The following CRYBG3 variants were observed in gnomAD, a reference collection of about 807,000 sequenced individuals.
CRYBG3 encodes crystallin beta-gamma domain containing 3, also known as very large A-kinase anchor protein.
Under a neutral mutation model 244.2 loss-of-function variants are expected in CRYBG3, and 127 were observed. The ratio of observed to expected loss-of-function variants is 0.52; its 90% CI spans 0.45 to 0.60. CRYBG3 has a LOEUF of 0.60. CRYBG3 is among the 20% of genes least tolerant of loss of function. The pLI, the probability that CRYBG3 is intolerant of heterozygous loss-of-function variation, is 0.00. For synonymous variants in CRYBG3, 1,132 were observed against 1,195.8 expected (o/e 0.95, Z 1.10); for missense variants, 3,325 against 3,442.5 (o/e 0.97, Z 0.85).
At chr3:97,843,723 C>T (rs145488065) in intron 2 of CRYBG3, among the ~76,000 whole-genome samples, 211 of 152,276 alleles carry the variant, frequency 1.4e-3, no homozygotes, top group African/African-American at 4.8e-3. Flanking sequence ...GTTTGCATGT[C>T]GTTCTTGGCT....
intron 7 of CRYBG3, among the ~76,000 whole-genome samples, chr3:97,883,856 A>G (rs1420892141): frequency 3.3e-5 from 5 of 152,178 alleles, no homozygotes; most frequent in Non-Finnish European, 7.4e-5. Context: ...GGTTGTTTCC[A>G]TGACGGATTC....
Position 97,874,431 on chromosome 3 carries a change from C to T in CRYBG3, c.3237C>T (p.Pro1079=). The T allele has an allele frequency of 1.3e-6, 2 of 1,535,104 alleles. No homozygotes were observed. The highest frequency in any genetic ancestry group is 1.7e-6 in the Non-Finnish European group (2 of 1,146,562). ...EVSMIVNSHK[P]QNNLDSIQVT... ...GCATGATAGTAAATTCACATAAGCC[C>T]CAAAATAATTTGGATTCTATACAAG... The change falls in exon 4 of 22, where the codon CCC becomes CCT. Residue 1079 remains proline (P), a synonymous_variant. Transcript: ENST00000389622.
At chr3:97,858,681 A>G (rs1244309625) in intron 2 of CRYBG3, among the ~76,000 whole-genome samples, 2 of 152,046 alleles carry the variant, frequency 1.3e-5, no homozygotes, top group Non-Finnish European at 2.9e-5. Context: ...TATGACACCT[A>G]TCTTGTTGAC....
chr3:97,823,878 G>T (rs991920204), intron 1 of CRYBG3, among the ~76,000 whole-genome samples: 1 of 152,166 alleles, frequency 6.6e-6, no homozygotes, highest in Admixed American at 6.5e-5. Context: ...GGCTTTTTAA[G>T]GCACTTCTCA....
intron 1 of CRYBG3, among the ~76,000 whole-genome samples, chr3:97,830,459 G>A (rs1024315924): frequency 2.0e-5 from 3 of 151,884 alleles, no homozygotes; most frequent in Admixed American, 1.3e-4. Flanking sequence ...TGGACTTCAC[G>A]TATTCCTCTT....
chr3:97,870,538 T>C (rs556025563), intron 3 of CRYBG3, among the ~76,000 whole-genome samples: 4 of 152,302 alleles, frequency 2.6e-5, no homozygotes, highest in East Asian at 1.9e-4. Context: ...CAATCTACCA[T>C]TGATGGACAT....
intron 2 of CRYBG3, among the ~76,000 whole-genome samples, chr3:97,858,892 G>A (rs1273011465): frequency 6.6e-6 from 1 of 151,946 alleles, no homozygotes; most frequent in Non-Finnish European, 1.5e-5. Flanking sequence ...CATGTTTCTT[G>A]TATTCCTACA....
chr3:97,912,660 T>C (rs1257995455), intron 16 of CRYBG3, among the ~76,000 whole-genome samples: 1 of 152,176 alleles, frequency 6.6e-6, no homozygotes, highest in African/African-American at 2.4e-5. Flanking sequence ...ACAAAGTATT[T>C]ATCATCCCCA....
At position 97,852,530 on chromosome 3, in the gene CRYBG3, T is replaced by C. The variant is rs187725803; in HGVS notation, c.216+9269T>C. On this transcript the variant is annotated intron_variant, in intron 2 of 21. Coordinates refer to ENST00000389622, the MANE Select transcript of CRYBG3 (RefSeq NM_153605.4). ...AAACAGGGAGGGTTGGTAACTCCTTTGTAACGAGGTTAGTAATGAGGACAG... is the reference window on the plus strand; with the variant it reads ...AAACAGGGAGGGTTGGTAACTCCTTCGTAACGAGGTTAGTAATGAGGACAG... 1.8e-3 allele frequency among the ~76,000 whole-genome samples: 276 copies of C among 152,286 alleles called. 2 individuals carry two copies. The highest frequency in any genetic ancestry group is 6.5e-3 in the African/African-American group (268 of 41,550).
At position 97,841,983 on chromosome 3, in the gene CRYBG3, G is replaced by A. The variant is rs184193635; in HGVS notation, c.150-1212G>A. 1.1e-4 allele frequency among the ~76,000 whole-genome samples: 17 copies of A among 152,276 alleles called. No homozygotes were observed. In the East Asian group the frequency reaches 3.1e-3, roughly 28 times the overall value. ...GCACCTCCTCTGAGGGTACTTTACT[G>A]AGTAGGCAGAATTGGTTGCTCCTTA... is the stretch of plus-strand genomic sequence containing the variant. On this transcript the variant is annotated intron_variant, in intron 1 of 21. Coordinates refer to ENST00000389622, the MANE Select transcript of CRYBG3 (RefSeq NM_153605.4).
chr3:97,876,903 T>G lies in CRYBG3; in HGVS notation c.5709T>G (p.Ser1903Arg). The G allele has an allele frequency of 1.4e-6, 2 of 1,437,758 alleles. No homozygotes were observed. The highest frequency in any genetic ancestry group is 1.8e-6 in the Non-Finnish European group (2 of 1,094,958). 89.1% of individuals were successfully genotyped at this position (1,437,758 alleles called of 1,614,324 possible). ...CACCACAAGAGTATGCTGAAGGGAG[T>G]GTTGAAGAAACAAAGGAAGAGCCTA... is the stretch of plus-strand genomic sequence containing the variant. The part of the protein sequence containing the change: ...SKTPQEYAEG[S>R]VEETKEEPTE... Residue 1903 changes from serine (S) to arginine (R), a missense_variant, in exon 4 of 22, where the codon AGT becomes AGG. By Grantham distance (110) the Ser-to-Arg change is moderately radical. Coordinates refer to ENST00000389622, the MANE Select transcript of CRYBG3 (RefSeq NM_153605.4).
chr3:97,937,404 C>T (rs1387121888), intron 19 of CRYBG3, among the ~76,000 whole-genome samples: 1 of 152,090 alleles, frequency 6.6e-6, no homozygotes, highest in African/African-American at 2.4e-5. Flanking sequence ...TCATCTTTCA[C>T]ATGGTTGTGT....
chr3:97,823,935 T>G (rs966483675), intron 1 of CRYBG3, among the ~76,000 whole-genome samples: 24 of 152,212 alleles, frequency 1.6e-4, no homozygotes, highest in Admixed American at 1.6e-3. Flanking sequence ...AGCAACTAGT[T>G]CCTTGTTCAC....
intron 18 of CRYBG3, among the ~76,000 whole-genome samples, chr3:97,934,852 T>C (rs1215311866): frequency 6.6e-6 from 1 of 152,136 alleles, no homozygotes; most frequent in East Asian, 1.9e-4. Flanking sequence ...TTCACAACAT[T>C]TTAATTCATT....
chr3:97,843,394 C>T, intron 2 of CRYBG3, 133 bp downstream of exon 2: 1 of 606,118 alleles, frequency 1.6e-6, no homozygotes, highest in Non-Finnish European at 2.8e-6. Context: ...AAATCCAGCC[C>T]AACTTTGTCA....
At chr3:97,923,876 A>G (rs2040011541) in intron 17 of CRYBG3, among the ~76,000 whole-genome samples, 1 of 152,098 alleles carries the variant, frequency 6.6e-6, no homozygotes, top group South Asian at 2.1e-4. Flanking sequence ...TCTTCCCCAA[A>G]TTAATATTGT....
At position 97,872,570 on chromosome 3, in the gene CRYBG3, A is replaced by G; in HGVS notation, c.1376A>G (p.Asn459Ser). The G allele has an allele frequency of 6.5e-7, 1 of 1,535,996 alleles. No homozygotes were observed. Among genetic ancestry groups the G allele is most frequent in the Non-Finnish European group, 8.7e-7 (1 of 1,146,828 alleles). ...EQESTNLPSP[N>S]KSIRHEHLQL... ...GAAAGTACAAATTTGCCAAGTCCAA[A>G]TAAATCAATTAGGCATGAACATCTG... Residue 459 changes from asparagine to serine, a missense_variant, in exon 4 of 22, where the codon AAT becomes AGT. Coordinates refer to ENST00000389622, the MANE Select transcript of CRYBG3 (RefSeq NM_153605.4).
Position 97,864,292 on chromosome 3 carries a change from G to T in CRYBG3, c.292G>T (p.Ala98Ser). 1 of 1,535,560 alleles carries T rather than the reference G, an allele frequency of 6.5e-7. No homozygotes were observed. Among genetic ancestry groups the T allele is most frequent in the Non-Finnish European group, 8.7e-7 (1 of 1,146,622 alleles). ...TCCAGTGCAGGAAGATCCCAAAAAG[G>T]CATATGATCTTTCCAGTTCCACTTC... is the stretch of plus-strand genomic sequence containing the variant. ...TLPVQEDPKK[A>S]YDLSSSTSDT... Residue 98 changes from alanine (A) to serine (S), a missense_variant, in exon 3 of 22, where the codon GCA becomes TCA. Around this residue, in one of 4 missense-constraint regions of CRYBG3, gnomAD observed 1,526 missense variants for 1,443.2 expected, o/e 1.06. Transcript: ENST00000389622.
At chr3:97,929,618 G>A (rs896092612) in intron 17 of CRYBG3, among the ~76,000 whole-genome samples, 12 of 151,946 alleles carry the variant, frequency 7.9e-5, no homozygotes, top group Non-Finnish European at 1.6e-4. Context: ...AAATTTGATA[G>A]TTGGACCACA....
Sources: allele counts gnomAD v4.1 joint callset (sites outside exome capture counted in the v4.1 genomes callset), GRCh38; gene constraint gnomAD v4.1.1; regional missense constraint gnomAD v4.1.1; transcripts MANE v1.5; gene names NCBI Gene and HGNC (gene_info 2026-07-23, HGNC 2026-07-21).